ZNF608: variants seen among roughly 807,000 people sequenced by gnomAD.
ZNF608 encodes zinc finger protein 608.
ZNF608 carries 12 observed loss-of-function variants against 109.0 expected under a neutral mutation model. The observed-to-expected ratio is 0.11, with a 90% CI of 0.07 to 0.18. The LOEUF (loss-of-function observed/expected upper bound fraction) is 0.18. Ranked by LOEUF, ZNF608 falls within the 10% of genes least tolerant of loss-of-function variation. The pLI is 1.00. For synonymous variants in ZNF608, 732 were observed against 717.4 expected (o/e 1.02, Z -0.33); for missense variants, 1,707 against 1,879.3 (o/e 0.91, Z 1.70).
At chr5:124,716,709 T>A (rs184700734) in intron 2 of ZNF608, among the ~76,000 whole-genome samples, 2 of 152,236 alleles carry the variant, frequency 1.3e-5, no homozygotes, top group Admixed American at 6.5e-5. Context: ...AGAGCTCTAA[T>A]AACTCTTTAA....
chr5:124,675,624 T>G (rs1037384627), intron 3 of ZNF608, among the ~76,000 whole-genome samples: 2 of 152,234 alleles, frequency 1.3e-5, no homozygotes, highest in Non-Finnish European at 2.9e-5. Flanking sequence ...GTTTAATGAC[T>G]TGTTTAAATG....
chr5:124,745,195 C>T, intron 1 of ZNF608, 23 bp from the exon 2 acceptor site: 1 of 1,395,582 alleles, frequency 7.2e-7, no homozygotes, highest in South Asian at 1.8e-5. Flanking sequence ...GGGGAAAAGT[C>T]GAATATTTCT....
chr5:124,714,436 G>A (rs1048810379), intron 2 of ZNF608, among the ~76,000 whole-genome samples: 4 of 152,160 alleles, frequency 2.6e-5, no homozygotes, highest in Non-Finnish European at 5.9e-5. Flanking sequence ...AGGATGACAG[G>A]TCAATGTCAC....
chr5:124,698,690 G>A (rs1024681886), intron 3 of ZNF608, among the ~76,000 whole-genome samples: 1 of 152,188 alleles, frequency 6.6e-6, no homozygotes, highest in Non-Finnish European at 1.5e-5. Context: ...AATAACAACA[G>A]TAATAATACC....
chr5:124,665,776 C>T (rs1424195559), intron 3 of ZNF608, among the ~76,000 whole-genome samples: 1 of 152,198 alleles, frequency 6.6e-6, no homozygotes, highest in African/African-American at 2.4e-5. Context: ...CCATAACATG[C>T]CCAGCCATGG....
chr5:124,725,538 A>G (rs1462707266), intron 2 of ZNF608, among the ~76,000 whole-genome samples: 2 of 152,198 alleles, frequency 1.3e-5, no homozygotes, highest in African/African-American at 2.4e-5. Context: ...TTTTGCTGTC[A>G]GAACACAAAA....
intron 2 of ZNF608, among the ~76,000 whole-genome samples, chr5:124,723,288 C>T (rs952403933): frequency 6.6e-5 from 10 of 152,122 alleles, no homozygotes; most frequent in African/African-American, 2.2e-4. Context: ...GGATTATAGG[C>T]GTGAGCCGCG....
chr5:124,655,154 G>T (rs1020710012), intron 3 of ZNF608, among the ~76,000 whole-genome samples: 1 of 152,184 alleles, frequency 6.6e-6, no homozygotes, highest in Non-Finnish European at 1.5e-5. Flanking sequence ...TTTTCAATAA[G>T]CATAATCTCC....
rs371623485 is a variant in ZNF608, at chr5:124,745,983, C to T, written c.-184+212G>A. ...AGAGAATTGCTCACTCTCTTAAATA[C>T]GGTGCTACTGACTGTACAGAAAACT... On this transcript the variant is annotated intron_variant, in intron 1 of 9. Coordinates refer to ENST00000513986, the MANE Select transcript of ZNF608 (RefSeq NM_020747.3). 1.9e-4 allele frequency: 40 copies of T among 210,644 alleles called. No individual in the cohort carries two copies. The South Asian group carries it at 2.7e-3, about 14-fold the overall frequency. The allele number at this position is 210,644 out of a possible 1,614,324, so 13.0% of individuals were successfully genotyped here. A position where few individuals can be genotyped will look rare whatever the true frequency, so the allele number is the denominator to read the frequency against.
intron 2 of ZNF608, among the ~76,000 whole-genome samples, chr5:124,718,094 G>A (rs1399718777): frequency 2.0e-5 from 3 of 152,218 alleles, no homozygotes; most frequent in East Asian, 1.9e-4. Context: ...CCTTGCTGGT[G>A]GCCTCTTCTC....
chr5:124,649,417 G>T (rs1010197975), intron 4 of ZNF608, among the ~76,000 whole-genome samples, 193 bp downstream of exon 4: 2 of 152,162 alleles, frequency 1.3e-5, no homozygotes, highest in African/African-American at 4.8e-5. Flanking sequence ...GGAGAGAAGG[G>T]GTGGGGAGCA....
At chr5:124,697,226 A>C (rs1752885989) in intron 3 of ZNF608, among the ~76,000 whole-genome samples, 2 of 2,386 alleles carry the variant, frequency 8.4e-4, no homozygotes. Flanking sequence ...GGTAAGGCCA[A>C]AAAAAAAAAA....
intron 8 of ZNF608, among the ~76,000 whole-genome samples, chr5:124,640,186 T>C (rs1750172687): frequency 6.6e-6 from 1 of 152,230 alleles, no homozygotes; most frequent in African/African-American, 2.4e-5. Flanking sequence ...ATTATCTTAC[T>C]TTCTATTCAC....
intron 3 of ZNF608, among the ~76,000 whole-genome samples, chr5:124,655,498 C>T (rs1750966534): frequency 6.6e-6 from 1 of 152,188 alleles, no homozygotes; most frequent in Non-Finnish European, 1.5e-5. Flanking sequence ...ACAGAAACCT[C>T]ATTCGAATAA....
At chr5:124,669,243 T>C (rs1235129093) in intron 3 of ZNF608, among the ~76,000 whole-genome samples, 1 of 152,206 alleles carries the variant, frequency 6.6e-6, no homozygotes, top group Non-Finnish European at 1.5e-5. Flanking sequence ...CATTACAAAA[T>C]AGAGTTTATC....
Position 124,649,324 on chromosome 5 carries a change from A to G in ZNF608, c.1251-191T>C, listed in dbSNP as rs140033704. On this transcript the variant is annotated intron_variant, in intron 4 of 9. Coordinates refer to ENST00000513986, the MANE Select transcript of ZNF608 (RefSeq NM_020747.3). ...ACCAAGGGCTTATATTCTTCCTCAG[A>G]AAAACCAAAGAAAAACAGCTCAAGT... Among the ~76,000 whole-genome samples the G allele has an allele frequency of 9.2e-3, 1,403 of 152,316 alleles. 13 individuals carry two copies. The highest frequency in any genetic ancestry group is 0.022 in the African/African-American group (916 of 41,562).
At position 124,745,222 on chromosome 5, in the gene ZNF608, GA is replaced by G. The variant is rs796897249; in HGVS notation, c.-183-51del. 9 of 1,371,132 alleles carry G rather than the reference GA, an allele frequency of 6.6e-6. No homozygotes were observed. The African/African-American group carries it at 7.3e-5, about 11-fold the overall frequency. 84.9% of individuals were successfully genotyped at this position (1,371,132 alleles called of 1,614,324 possible). A position where few individuals can be genotyped will look rare whatever the true frequency, so the allele number is the denominator to read the frequency against. On this transcript the variant is annotated intron_variant, in intron 1 of 9. Transcript: ENST00000513986. ...AATATTTCTTGTCTGGGTGTTACCAGAATAAAAAACGATTAGTATTGGGGAA... is the reference window on the plus strand; with the variant it reads ...AATATTTCTTGTCTGGGTGTTACCAGATAAAAAACGATTAGTATTGGGGAA...
chr5:124,674,289 C>G (rs1751847021), intron 3 of ZNF608, among the ~76,000 whole-genome samples: 2 of 152,192 alleles, frequency 1.3e-5, no homozygotes, highest in African/African-American at 2.4e-5. Context: ...TCAAAAACCG[C>G]TGCACATTGG....
At chr5:124,641,967 C>T (rs1409758958) in intron 7 of ZNF608, among the ~76,000 whole-genome samples, 1 of 152,172 alleles carries the variant, frequency 6.6e-6, no homozygotes, top group Non-Finnish European at 1.5e-5. Flanking sequence ...TCCTCCCAAA[C>T]CATAGTTTGG....
Sources: gnomAD v4.1 joint callset for allele counts (sites outside exome capture counted in the v4.1 genomes callset) on GRCh38, gnomAD v4.1.1 for gene constraint, MANE v1.5 for transcripts, NCBI Gene and HGNC (gene_info 2026-07-23, HGNC 2026-07-21) for gene names.